The following RGS6 variants were observed in gnomAD, a reference collection of about 807,000 sequenced individuals.
RGS6 encodes the protein regulator of G protein signaling 6.
A neutral mutation model predicts 78.5 loss-of-function variants in RGS6; 30 were observed. The ratio of observed to expected loss-of-function variants is 0.38; its 90% CI spans 0.29 to 0.52. The LOEUF is 0.52. Ranked by LOEUF, RGS6 falls within the 20% of genes least tolerant of loss-of-function variation. The pLI, the probability that RGS6 is intolerant of heterozygous loss-of-function variation, is 0.85. For missense variants in RGS6, 495 were observed against 609.7 expected, an observed-to-expected ratio of 0.81 and a Z score of 1.98; for synonymous variants, 206 against 206.0, an observed-to-expected ratio of 1.00 and a Z score of 0.00.
chr14:72,477,435 G>A (rs1375883280), intron 11 of RGS6, among the ~76,000 whole-genome samples: 1 of 152,022 alleles, frequency 6.6e-6, no homozygotes, highest in Non-Finnish European at 1.5e-5. Flanking sequence ...AAACTTTGAG[G>A]TGCTTGCCCT....
chr14:72,369,074 A>G (rs1386499638), intron 3 of RGS6, among the ~76,000 whole-genome samples: 2 of 152,196 alleles, frequency 1.3e-5, no homozygotes, highest in Non-Finnish European at 2.9e-5. Flanking sequence ...AAAATCTCAT[A>G]ATGTTTTAAG....
chr14:72,509,631 A>G (rs536856802), intron 13 of RGS6, among the ~76,000 whole-genome samples: 9 of 152,222 alleles, frequency 5.9e-5, no homozygotes, highest in Non-Finnish European at 1.3e-4. Context: ...AGTGCATGTA[A>G]CATTCTGCTT....
chr14:72,549,230 T>G (rs77012013), intron 17 of RGS6, among the ~76,000 whole-genome samples: 8,272 of 151,308 alleles, frequency 0.055, 281 homozygotes, highest in East Asian at 0.12. Context: ...CATCCTTGCC[T>G]TCTTTTCTGT....
intron 17 of RGS6, among the ~76,000 whole-genome samples, chr14:72,555,306 A>G (rs1052042018): frequency 1.3e-5 from 2 of 152,174 alleles, no homozygotes; most frequent in Non-Finnish European, 2.9e-5. Context: ...TGAAATCTAC[A>G]TGCACCAAGC....
chr14:72,208,441 G>A (rs1418673928), intron 2 of RGS6, among the ~76,000 whole-genome samples: 2 of 152,156 alleles, frequency 1.3e-5, no homozygotes, highest in African/African-American at 2.4e-5. Context: ...ACCACTAAGG[G>A]TTAGGTTTTC....
At chr14:72,516,736 C>T (rs1028000005) in intron 14 of RGS6, 3 of 152,646 alleles carry the variant, frequency 2.0e-5, no homozygotes, top group African/African-American at 4.8e-5. Flanking sequence ...CAGAGCCATG[C>T]CACATATCCC....
At chr14:72,000,076 C>T (rs990248905) in intron 2 of RGS6, among the ~76,000 whole-genome samples, 1 of 151,998 alleles carries the variant, frequency 6.6e-6, no homozygotes, top group Non-Finnish European at 1.5e-5. Context: ...ATTAGGAATC[C>T]GAACTTGGAA....
chr14:72,545,811 C>T (rs1031728341), intron 17 of RGS6, among the ~76,000 whole-genome samples: 7 of 151,998 alleles, frequency 4.6e-5, no homozygotes, highest in African/African-American at 1.5e-4. Flanking sequence ...GGTGAGTCGC[C>T]GGAGGGTCAG....
chr14:72,617,340 G>C, the RGS6 span, among the ~76,000 whole-genome samples: 1 of 152,110 alleles, frequency 6.6e-6, no homozygotes, highest in Non-Finnish European at 1.5e-5. Context: ...TTAGCCTTTG[G>C]AGACAGCCTG....
At chr14:72,253,967 C>T (rs1280825644) in intron 2 of RGS6, among the ~76,000 whole-genome samples, 4 of 152,198 alleles carry the variant, frequency 2.6e-5, no homozygotes, top group Non-Finnish European at 5.9e-5. Context: ...CCTCACGTGG[C>T]ATTCTTTGTT....
At chr14:72,474,227 A>G (rs992690693) in intron 9 of RGS6, 15 of 157,612 alleles carry the variant, frequency 9.5e-5, no homozygotes, top group African/African-American at 3.6e-4. Context: ...AAATGGAACT[A>G]AAAAATAAAT....
At chr14:72,024,499 A>C (rs918679606) in intron 2 of RGS6, among the ~76,000 whole-genome samples, 1 of 152,204 alleles carries the variant, frequency 6.6e-6, no homozygotes, top group Non-Finnish European at 1.5e-5. Flanking sequence ...CCTTGCTTCC[A>C]TATTTTCTCA....
chr14:72,279,456 G>A (rs1670362131), intron 2 of RGS6, among the ~76,000 whole-genome samples: 1 of 152,106 alleles, frequency 6.6e-6, no homozygotes, highest in Non-Finnish European at 1.5e-5. Context: ...TGGCACTTCT[G>A]CCTTCCAGAT....
chr14:72,267,960 C>T (rs116534211), intron 2 of RGS6, among the ~76,000 whole-genome samples: 2,000 of 152,312 alleles, frequency 0.013, 33 homozygotes, highest in African/African-American at 0.045. Flanking sequence ...TTAACACACT[C>T]GCACACTCAC....
intron 14 of RGS6, 142 bp downstream of exon 14, chr14:72,510,421 GAGA>G: frequency 9.6e-7 from 1 of 1,041,468 alleles, no homozygotes; most frequent in Admixed American, 2.2e-5. Context: ...GGTTGAAATG[GAGA>G]AGAACAAATT....
At chr14:72,167,345 A>T (rs2096942231) in intron 2 of RGS6, among the ~76,000 whole-genome samples, 1 of 152,244 alleles carries the variant, frequency 6.6e-6, no homozygotes. Flanking sequence ...GCAAGACAGA[A>T]GTCACAATTA....
At chr14:72,413,392 C>T (rs1224345382) in intron 3 of RGS6, among the ~76,000 whole-genome samples, 5 of 152,072 alleles carry the variant, frequency 3.3e-5, no homozygotes, top group Admixed American at 3.3e-4. Flanking sequence ...GATTGCAACC[C>T]CTGCCTTTTT....
At chr14:72,116,138 G>A (rs2095878722) in intron 2 of RGS6, among the ~76,000 whole-genome samples, 1 of 152,188 alleles carries the variant, frequency 6.6e-6, no homozygotes, top group African/African-American at 2.4e-5. Flanking sequence ...AAATGGGCAT[G>A]GATATTGTAC....
the RGS6 span, among the ~76,000 whole-genome samples, chr14:72,626,837 G>T: frequency 2.6e-5 from 4 of 151,808 alleles, no homozygotes; most frequent in Admixed American, 6.6e-5. Context: ...TCATCAACAG[G>T]ATATATTGTC....
Sources: gnomAD v4.1 joint callset for allele counts (sites outside exome capture counted in the v4.1 genomes callset) on GRCh38, gnomAD v4.1.1 for gene constraint, MANE v1.5 for transcripts, NCBI Gene and HGNC (gene_info 2026-07-23, HGNC 2026-07-21) for gene names.